LGR5: variants seen among roughly 807,000 people sequenced by gnomAD.
The protein encoded by LGR5 is leucine rich repeat containing G protein-coupled receptor 5.
LGR5 carries 54 observed loss-of-function variants against 76.7 expected under a neutral mutation model. The observed-to-expected ratio is 0.70, with a 90% CI of 0.57 to 0.88. The LOEUF (loss-of-function observed/expected upper bound fraction) is 0.88. Ranked by LOEUF, LGR5 falls within the 40% of genes least tolerant of loss-of-function variation. The probability of loss-of-function intolerance (pLI) is 0.00; values close to 1 mark genes in which losing one functional copy is unlikely to be tolerated. For missense variants in LGR5, 1,078 were observed against 1,073.3 expected, an observed-to-expected ratio of 1.00 and a Z score of -0.06; for synonymous variants, 406 against 421.9, an observed-to-expected ratio of 0.96 and a Z score of 0.46.
intron 1 of LGR5, among the ~76,000 whole-genome samples, chr12:71,490,407 C>T (rs1874016112): frequency 6.6e-6 from 1 of 152,114 alleles, no homozygotes; most frequent in South Asian, 2.1e-4. Context: ...AGTTGTGATA[C>T]CACACTCACA....
chr12:71,513,210 T>C, intron 2 of LGR5, among the ~76,000 whole-genome samples: 1 of 152,102 alleles, frequency 6.6e-6, no homozygotes, highest in Middle Eastern at 3.2e-3. Context: ...GGAACATCTA[T>C]GGTTGAGCAA....
At chr12:71,506,693 C>A (rs1033827895) in intron 2 of LGR5, among the ~76,000 whole-genome samples, 3 of 152,172 alleles carry the variant, frequency 2.0e-5, no homozygotes, top group Non-Finnish European at 4.4e-5. Flanking sequence ...ATTCTTTCTG[C>A]TAAGCTGGCT....
intron 1 of LGR5, among the ~76,000 whole-genome samples, chr12:71,501,257 A>G (rs987187450): frequency 2.2e-4 from 34 of 152,362 alleles, no homozygotes; most frequent in Admixed American, 1.6e-3. Context: ...AAGGGTCAGA[A>G]TGAAGATATT....
At position 71,584,457 on chromosome 12, in the gene LGR5, ATCCCCTTCT is replaced by A; in HGVS notation, c.2448_2456del (p.Pro817_Leu819del). On this transcript the variant is annotated inframe_deletion, in exon 18 of 18. Transcript: ENST00000266674. ...GTAGTCCCACTTCCTGCATGTCTCA[ATCCCCTTCT>A]CTACATCTTGTTCAATCCTCACTTT... The A allele has an allele frequency of 6.2e-7, 1 of 1,614,130 alleles. No individual in the cohort carries two copies. The highest frequency in any genetic ancestry group is 1.1e-5 in the South Asian group (1 of 91,076).
At chr12:71,566,540 A>ATATT in intron 9 of LGR5, 65 bp downstream of exon 9, 1 of 1,527,498 alleles carries the variant, frequency 6.5e-7, no homozygotes. Context: ...AACCAAATGA[A>ATATT]TATTATAGGT....
At chr12:71,508,151 C>T (rs1238877798) in intron 2 of LGR5, among the ~76,000 whole-genome samples, 1 of 152,006 alleles carries the variant, frequency 6.6e-6, no homozygotes, top group African/African-American at 2.4e-5. Flanking sequence ...TCGCTTGAAC[C>T]CAGGAGGCAG....
At chr12:71,531,457 T>A (rs886903026) in intron 3 of LGR5, among the ~76,000 whole-genome samples, 2 of 152,242 alleles carry the variant, frequency 1.3e-5, no homozygotes, top group Non-Finnish European at 2.9e-5. Context: ...GTTCCTTATT[T>A]AGGGAGTGAT....
chr12:71,498,498 A>C (rs1159935193), intron 1 of LGR5, among the ~76,000 whole-genome samples: 1 of 152,190 alleles, frequency 6.6e-6, no homozygotes, highest in Non-Finnish European at 1.5e-5. Context: ...ACATGGTTCC[A>C]TAGTGTAGTG....
intron 2 of LGR5, among the ~76,000 whole-genome samples, chr12:71,508,892 G>A (rs1157550015): frequency 6.6e-6 from 1 of 151,280 alleles, no homozygotes; most frequent in African/African-American, 2.4e-5. Context: ...TACTACCTAT[G>A]CCGCAAGTTT....
At chr12:71,486,827 G>GA (rs369680293) in intron 1 of LGR5, among the ~76,000 whole-genome samples, 69 of 143,114 alleles carry the variant, frequency 4.8e-4, no homozygotes, top group East Asian at 8.1e-4. Context: ...TTCTAGCTGA[G>GA]AAAAAAAAAA....
At chr12:71,552,032 A>G (rs1245108953) in intron 4 of LGR5, among the ~76,000 whole-genome samples, 1 of 151,752 alleles carries the variant, frequency 6.6e-6, no homozygotes, top group African/African-American at 2.4e-5. Context: ...ACTCAGTTCC[A>G]GTGAGAACAC....
At chr12:71,456,206 A>G (rs1252038746) in intron 1 of LGR5, among the ~76,000 whole-genome samples, 1 of 152,190 alleles carries the variant, frequency 6.6e-6, no homozygotes, top group African/African-American at 2.4e-5. Flanking sequence ...CCACATAAAG[A>G]CGGGGGAGAA....
At chr12:71,486,410 G>T (rs67905574) in intron 1 of LGR5, among the ~76,000 whole-genome samples, 6,443 of 152,166 alleles carry the variant, frequency 0.042, 147 homozygotes, top group African/African-American at 0.066. Context: ...TGCACCAGGG[G>T]AGTCAACATC....
intron 1 of LGR5, among the ~76,000 whole-genome samples, chr12:71,456,542 C>T (rs1254370844): frequency 3.9e-5 from 6 of 152,094 alleles, no homozygotes; most frequent in Non-Finnish European, 8.8e-5. Flanking sequence ...AAAGGGAAAG[C>T]TCAATGGATG....
At chr12:71,533,398 T>C (rs1876427808) in intron 3 of LGR5, among the ~76,000 whole-genome samples, 1 of 152,116 alleles carries the variant, frequency 6.6e-6, no homozygotes, top group Non-Finnish European at 1.5e-5. Context: ...TAGCACAGCA[T>C]GGGGTAGTTC....
At chr12:71,583,037 G>A (rs938771194) in intron 17 of LGR5, among the ~76,000 whole-genome samples, 1 of 148,164 alleles carries the variant, frequency 6.7e-6, no homozygotes, top group African/African-American at 2.5e-5. Context: ...AGGAAGGGGA[G>A]GGGAAGAGAT....
intron 4 of LGR5, among the ~76,000 whole-genome samples, chr12:71,535,992 C>A (rs1199597089): frequency 6.6e-6 from 1 of 152,152 alleles, no homozygotes; most frequent in Non-Finnish European, 1.5e-5. Flanking sequence ...AAGTCTATAC[C>A]ACTACTATTT....
chr12:71,483,197 A>C (rs1366003168), intron 1 of LGR5, among the ~76,000 whole-genome samples: 2 of 152,202 alleles, frequency 1.3e-5, no homozygotes, highest in African/African-American at 4.8e-5. Context: ...AAGTCCACTA[A>C]GATCCCACTG....
intron 1 of LGR5, among the ~76,000 whole-genome samples, chr12:71,477,797 A>G (rs1873406412): frequency 6.6e-6 from 1 of 152,164 alleles, no homozygotes; most frequent in South Asian, 2.1e-4. Flanking sequence ...GGGCAGCTGG[A>G]GTTGGCCATG....
Sources: gnomAD v4.1 joint callset for allele counts (sites outside exome capture counted in the v4.1 genomes callset) on GRCh38, gnomAD v4.1.1 for gene constraint, MANE v1.5 for transcripts, NCBI Gene and HGNC (gene_info 2026-07-23, HGNC 2026-07-21) for gene names.